Variants in CPS1 observed in about 807,000 individuals in gnomAD.
CPS1 encodes the protein carbamoyl-phosphate synthase [ammonia], mitochondrial.
In CPS1, 109 loss-of-function variants were observed where a neutral mutation model predicts 174.6. The ratio of observed to expected loss-of-function variants is 0.62; its 90% CI spans 0.53 to 0.73. The LOEUF (loss-of-function observed/expected upper bound fraction) is 0.73, where lower values mean the gene tolerates loss of function less well. Ranked by LOEUF, CPS1 falls within the 30% of genes least tolerant of loss-of-function variation. The pLI, the probability that CPS1 is intolerant of heterozygous loss-of-function variation, is 0.00. For synonymous variants in CPS1, 637 were observed against 632.0 expected (o/e 1.01, Z -0.12); for missense variants, 1,689 against 1,821.9 (o/e 0.93, Z 1.33).
At position 210,595,535 on chromosome 2, in the gene CPS1, G is replaced by A. The variant is rs772497399; in HGVS notation, c.1312G>A (p.Ala438Thr). 1.9e-6 allele frequency: 3 copies of A among 1,611,504 alleles called. No homozygotes were observed. The highest frequency in any genetic ancestry group is 2.5e-6 in the Non-Finnish European group (3 of 1,178,460). The change falls in exon 13 of 38, where the codon GCT becomes ACT. Residue 438 changes from alanine (A) to threonine (T), a missense_variant. Coordinates refer to ENST00000233072, the MANE Select transcript of CPS1 (RefSeq NM_001875.5). The stretch of plus-strand genomic sequence containing the variant: ...ATCAGGAGGTCTGTCCATTGGTCAG[G>A]CTGGAGAATTTGATTACTCAGGATC... The part of the protein sequence containing the change: ...LGSGGLSIGQ[A>T]GEFDYSGSQA...
intron 34 of CPS1, 29 bp from the exon 35 acceptor site, chr2:210,674,873 A>G (rs901554057): frequency 3.1e-6 from 5 of 1,588,012 alleles, no homozygotes; most frequent in Non-Finnish European, 4.3e-6. Flanking sequence ...GTATATCTAG[A>G]AAGTGAATTT....
intron 1 of CPS1, among the ~76,000 whole-genome samples, chr2:210,562,071 T>G (rs1280602099): frequency 6.6e-6 from 1 of 152,206 alleles, no homozygotes; most frequent in Non-Finnish European, 1.5e-5. Flanking sequence ...ACTTGCCACA[T>G]AGCAGATGCT....
At position 210,650,420 on chromosome 2, in the gene CPS1, G is replaced by A. The variant is rs1356878263; in HGVS notation, c.3462G>A (p.Glu1154=). 1.2e-6 allele frequency: 2 copies of A among 1,612,834 alleles called. No individual in the cohort carries two copies. The highest frequency in any genetic ancestry group is 3.3e-5 in the Admixed American group (2 of 59,972). The stretch of plus-strand genomic sequence containing the variant: ...ATGAGATGAAAAAATTCCTAGAAGA[G>A]GCGACTAGAGTTTCTCAGGTAGTGT... ...SEDEMKKFLE[E]ATRVSQEHPV... The change falls in exon 28 of 38, where the codon GAG becomes GAA. Residue 1154 remains glutamate (E), a synonymous_variant. Coordinates refer to ENST00000233072, the MANE Select transcript of CPS1 (RefSeq NM_001875.5).
intron 21 of CPS1, chr2:210,619,091 C>T (rs1156743891): frequency 6.6e-6 from 1 of 152,096 alleles, no homozygotes; most frequent in Non-Finnish European, 1.5e-5. Context: ...ATGTACCGCA[C>T]TCCCTTTGTA....
intron 1 of CPS1, among the ~76,000 whole-genome samples, chr2:210,548,267 C>T (rs1298702180): frequency 1.3e-5 from 2 of 152,064 alleles, no homozygotes; most frequent in East Asian, 1.9e-4. Context: ...TGCTTGACCT[C>T]GACTTCTAAC....
chr2:210,676,341 G>T (rs537900193), intron 36 of CPS1, among the ~76,000 whole-genome samples: 78 of 152,176 alleles, frequency 5.1e-4, no homozygotes, highest in Non-Finnish European at 8.8e-4. Flanking sequence ...GATTTTGTAC[G>T]ACATTTTATT....
chr2:210,605,177 C>T lies in CPS1; in HGVS notation c.1912C>T (p.Arg638Ter), dbSNP rs759201450. ...GAAAGAAATAGAATATGAAGTGGTT[C>T]GAGATGCTGATGACAATTGTGTCAC... is the stretch of plus-strand genomic sequence containing the variant. ...GWKEIEYEVV[R>*]DADDNCVTVC... The change falls in exon 17 of 38, where the codon CGA (arginine) becomes TGA (stop). Residue 638 changes from arginine to a stop codon, truncating the protein, a stop_gained. Coordinates refer to ENST00000233072, the MANE Select transcript of CPS1 (RefSeq NM_001875.5). LOFTEE classifies it high-confidence loss of function. The T allele has an allele frequency of 8.7e-6, 14 of 1,612,076 alleles. No individual in the cohort carries two copies. The highest frequency in any genetic ancestry group is 1.2e-5 in the Non-Finnish European group (14 of 1,178,806).
At chr2:210,606,621 A>G (rs1698919488) in intron 17 of CPS1, 110 bp from the exon 18 acceptor site, 4 of 1,019,620 alleles carry the variant, frequency 3.9e-6, no homozygotes, top group East Asian at 2.5e-5. Context: ...ATATATCCCA[A>G]CAAACCCTCA....
chr2:210,663,765 A>T (rs927187758), intron 33 of CPS1, among the ~76,000 whole-genome samples: 13 of 152,066 alleles, frequency 8.5e-5, no homozygotes, highest in African/African-American at 2.9e-4. Context: ...TTTCTTTAGG[A>T]TTGTGAAATG....
intron 1 of CPS1, among the ~76,000 whole-genome samples, chr2:210,480,889 G>A (rs887904414): frequency 2.6e-5 from 4 of 152,126 alleles, no homozygotes; most frequent in African/African-American, 9.7e-5. Context: ...TTTCTGTTTC[G>A]TTCATAGTAC....
chr2:210,487,547 A>C (rs1032664030), intron 1 of CPS1, among the ~76,000 whole-genome samples: 7 of 152,344 alleles, frequency 4.6e-5, no homozygotes, highest in African/African-American at 1.7e-4. Context: ...TCAGTTGTAC[A>C]TATTAAGGAA....
At chr2:210,621,148 A>C (rs1699511702) in intron 21 of CPS1, among the ~76,000 whole-genome samples, 1 of 152,104 alleles carries the variant, frequency 6.6e-6, no homozygotes, top group Non-Finnish European at 1.5e-5. Context: ...AGGGAAGCTG[A>C]CTGTTCTAGG....
At chr2:210,648,617 C>A in intron 27 of CPS1, 77 bp downstream of exon 27, 3 of 1,096,570 alleles carry the variant, frequency 2.7e-6, no homozygotes, top group Non-Finnish European at 4.2e-6. Context: ...ATGCTAATAG[C>A]ACTAGGGTTC....
chr2:210,509,803 G>T (rs930863639), intron 1 of CPS1, among the ~76,000 whole-genome samples: 2 of 152,084 alleles, frequency 1.3e-5, no homozygotes, highest in African/African-American at 4.8e-5. Flanking sequence ...AAAATACCTA[G>T]GATCCAACTT....
At chr2:210,588,768 A>G (rs1698192071) in intron 7 of CPS1, among the ~76,000 whole-genome samples, 1 of 152,022 alleles carries the variant, frequency 6.6e-6, no homozygotes, top group Admixed American at 6.6e-5. Flanking sequence ...GCATAACACC[A>G]AATTAGCATG....
At chr2:210,492,687 G>C (rs535551767) in intron 1 of CPS1, among the ~76,000 whole-genome samples, 4 of 151,998 alleles carry the variant, frequency 2.6e-5, no homozygotes, top group Admixed American at 6.6e-5. Flanking sequence ...ACTAAAATGA[G>C]AAAAGAAGTT....
At chr2:210,599,893 T>A (rs1698650765) in intron 14 of CPS1, among the ~76,000 whole-genome samples, 1 of 151,918 alleles carries the variant, frequency 6.6e-6, no homozygotes, top group African/African-American at 2.4e-5. Context: ...AAAATGAGAA[T>A]TAACATTGGT....
intron 33 of CPS1, among the ~76,000 whole-genome samples, chr2:210,666,467 G>T (rs551594912): frequency 1.3e-5 from 2 of 151,712 alleles, no homozygotes; most frequent in Non-Finnish European, 1.5e-5. Flanking sequence ...TAGGTCTAAC[G>T]TTTAAGTCTT....
chr2:210,576,349 C>G lies in CPS1; in HGVS notation c.240C>G (p.Tyr80Ter). 1 of 1,613,476 alleles carries G rather than the reference C, an allele frequency of 6.2e-7. No homozygotes were observed. Among genetic ancestry groups the G allele is most frequent in the Non-Finnish European group, 8.5e-7 (1 of 1,179,602 alleles). The change falls in exon 3 of 38, where the codon TAC becomes TAG. Residue 80 changes from tyrosine (Y) to a stop codon, truncating the protein, a stop_gained. Transcript: ENST00000233072. LOFTEE classifies it high-confidence loss of function. ...EVVFNTGLGGYPEAITDPAYK... is the reference protein window; with the variant it reads ...EVVFNTGLGG ...ATTTTTTGGCATGTTTACCCAGGTA[C>G]CCAGAAGCTATTACTGACCCTGCCT...
Sources: allele counts gnomAD v4.1 joint callset (sites outside exome capture counted in the v4.1 genomes callset), GRCh38; gene constraint gnomAD v4.1.1; transcripts MANE v1.5; gene names NCBI Gene and HGNC (gene_info 2026-07-23, HGNC 2026-07-21).